Variants in SUPT3H observed in about 807,000 individuals in gnomAD.
The protein encoded by SUPT3H is transcription initiation protein SPT3 homolog.
Under a neutral mutation model 44.3 loss-of-function variants are expected in SUPT3H, and 44 were observed. The observed-to-expected ratio is 0.99, with a 90% CI of 0.78 to 1.28. The LOEUF is 1.28. SUPT3H is among the 50% of genes most tolerant of loss of function. The pLI is 0.00. For missense variants in SUPT3H, 380 were observed against 387.1 expected (o/e 0.98, Z 0.15); for synonymous variants, 124 against 125.6 (o/e 0.99, Z 0.09).
chr6:45,125,892 C>G (rs1222142382), intron 2 of SUPT3H, among the ~76,000 whole-genome samples: 1 of 151,550 alleles, frequency 6.6e-6, no homozygotes, highest in Non-Finnish European at 1.5e-5. Flanking sequence ...AATTGTATTA[C>G]TCTTTACACT....
intron 3 of SUPT3H, among the ~76,000 whole-genome samples, chr6:45,066,017 T>C (rs1273075196): frequency 4.3e-5 from 6 of 139,208 alleles, no homozygotes; most frequent in African/African-American, 1.4e-4. Context: ...AAAAAGAGAA[T>C]TTTAGACCAA....
chr6:44,982,041 T>C (rs138716362), intron 6 of SUPT3H, among the ~76,000 whole-genome samples: 132 of 152,104 alleles, frequency 8.7e-4, no homozygotes, highest in African/African-American at 3.0e-3. Context: ...ATCCTGTGTC[T>C]AAAACAAAGC....
At chr6:44,874,987 C>G (rs1470389763) in intron 10 of SUPT3H, among the ~76,000 whole-genome samples, 2 of 77,958 alleles carry the variant, frequency 2.6e-5, no homozygotes, top group African/African-American at 1.1e-4. Flanking sequence ...AACCACTGCT[C>G]AAGGAAATAA....
At chr6:44,893,546 T>C (rs901159370) in intron 10 of SUPT3H, among the ~76,000 whole-genome samples, 18 of 152,384 alleles carry the variant, frequency 1.2e-4, no homozygotes, top group African/African-American at 4.1e-4. Flanking sequence ...ACAAAGGACG[T>C]GAACTCATCA....
intron 2 of SUPT3H, among the ~76,000 whole-genome samples, chr6:45,175,797 AAAAAT>A (rs2153609325): frequency 6.6e-6 from 1 of 152,320 alleles, no homozygotes; most frequent in East Asian, 1.9e-4. Context: ...AAATTATACT[AAAAAT>A]AAGCTTATAC....
intron 6 of SUPT3H, among the ~76,000 whole-genome samples, chr6:44,977,884 T>A (rs897323596): frequency 3.9e-5 from 6 of 152,176 alleles, no homozygotes; most frequent in African/African-American, 1.4e-4. Flanking sequence ...AGAAACTGGT[T>A]TTGTTTTATA....
In SUPT3H at chr6:44,948,119, G is replaced by C. The variant is rs528551167; in HGVS notation, c.801+5191C>G. ...AAGATCAGATGGTTGTGGATGTGTG[G>C]TATTATTTCTGAGGGCTCTGTTCTG... is the stretch of plus-strand genomic sequence containing the variant. On this transcript the variant is annotated intron_variant, in intron 9 of 10. Transcript: ENST00000371459. Among the ~76,000 whole-genome samples, 7 of 152,204 alleles carry C rather than the reference G, an allele frequency of 4.6e-5. No homozygotes were observed. The South Asian group carries it at 1.2e-3, about 27-fold the overall frequency.
rs1309190537 is a variant in SUPT3H at position 44,952,832 on chromosome 6, C to T, written c.801+478G>A. ...GAATATAATTTTCACATAGTAGGGG[C>T]AATCTAAAAACTCAAGATGAATGAA... On this transcript the variant is annotated intron_variant, in intron 9 of 10. Coordinates refer to ENST00000371459, the MANE Select transcript of SUPT3H (RefSeq NM_003599.4). Among the ~76,000 whole-genome samples, 4 of 152,172 alleles carry T rather than the reference C, an allele frequency of 2.6e-5. No homozygotes were observed. The South Asian group carries it at 6.2e-4, about 24-fold the overall frequency.
chr6:45,266,871 C>T (rs2153659912), intron 2 of SUPT3H, among the ~76,000 whole-genome samples: 1 of 152,154 alleles, frequency 6.6e-6, no homozygotes, highest in Admixed American at 6.5e-5. Context: ...CCAGAATGCT[C>T]CAAAATCCAA....
intron 10 of SUPT3H, among the ~76,000 whole-genome samples, chr6:44,856,640 T>C (rs560660532): frequency 6.6e-6 from 1 of 152,312 alleles, no homozygotes; most frequent in East Asian, 1.9e-4. Context: ...AATACTCACA[T>C]AGCAATAGCC....
chr6:45,285,712 A>G (rs1779114775), intron 2 of SUPT3H, among the ~76,000 whole-genome samples: 1 of 152,150 alleles, frequency 6.6e-6, no homozygotes, highest in African/African-American at 2.4e-5. Flanking sequence ...CAAGCTACCA[A>G]TGACTTTCTT....
chr6:45,147,965 A>G (rs1806349631), intron 2 of SUPT3H, among the ~76,000 whole-genome samples: 1 of 152,172 alleles, frequency 6.6e-6, no homozygotes. Context: ...AGAAAAAATT[A>G]AGCAATAAGA....
At chr6:45,005,717 A>T (rs888661637) in intron 5 of SUPT3H, among the ~76,000 whole-genome samples, 8 of 151,210 alleles carry the variant, frequency 5.3e-5, no homozygotes, top group Non-Finnish European at 7.4e-5. Flanking sequence ...AAAAAAAAAA[A>T]TTTAATTTCT....
At position 44,932,710 on chromosome 6, in the gene SUPT3H, G is replaced by A; in HGVS notation, c.855C>T (p.His285=). The change falls in exon 10 of 11, where the codon CAC becomes CAT. Residue 285 remains histidine (H), a synonymous_variant. Transcript: ENST00000371459. The part of the protein sequence containing the change: ...EAHSDAIQPC[H]IREAIRRYSH... ...TGTAGCGTCGAATGGCCTCTCTGAT[G>A]TGGCAGGGCTGGATGGCATCGCTGT... The A allele has an allele frequency of 1.2e-6, 2 of 1,611,736 alleles. No individual in the cohort carries two copies. Among genetic ancestry groups the A allele is most frequent in the Non-Finnish European group, 8.5e-7 (1 of 1,179,012 alleles).
At chr6:45,369,856 T>C (rs1275157658) in intron 1 of SUPT3H, among the ~76,000 whole-genome samples, 1 of 151,854 alleles carries the variant, frequency 6.6e-6, no homozygotes, top group African/African-American at 2.4e-5. Context: ...AACTGGGAGG[T>C]GGCATTTAAT....
At chr6:45,007,168 T>C (rs1235094697) in intron 5 of SUPT3H, among the ~76,000 whole-genome samples, 1 of 152,128 alleles carries the variant, frequency 6.6e-6, no homozygotes, top group East Asian at 1.9e-4. Flanking sequence ...CCAATTATAA[T>C]GTGATTCATT....
At chr6:45,033,303 A>ATTT (rs1787219083) in intron 3 of SUPT3H, among the ~76,000 whole-genome samples, 1 of 152,162 alleles carries the variant, frequency 6.6e-6, no homozygotes, top group East Asian at 1.9e-4. Flanking sequence ...CTAAAATAAA[A>ATTT]TAAGCAAGCA....
At chr6:45,368,225 T>C (rs1039182652) in intron 1 of SUPT3H, among the ~76,000 whole-genome samples, 15 of 152,166 alleles carry the variant, frequency 9.9e-5, no homozygotes, top group African/African-American at 3.1e-4. Context: ...GATTGGGACC[T>C]AGATTATTTC....
chr6:45,077,637 A>AAAAAAAAAAAG (rs1484717133), intron 3 of SUPT3H, among the ~76,000 whole-genome samples: 2 of 86,552 alleles, frequency 2.3e-5, no homozygotes, highest in Admixed American at 2.3e-4. Flanking sequence ...AAAAAAAAAA[A>AAAAAAAAAAAG]AAAAAGAAAA....
Sources: allele counts gnomAD v4.1 joint callset (sites outside exome capture counted in the v4.1 genomes callset), GRCh38; gene constraint gnomAD v4.1.1; transcripts MANE v1.5; gene names NCBI Gene and HGNC (gene_info 2026-07-23, HGNC 2026-07-21).